Variants in LRRC4C observed in about 807,000 individuals in gnomAD.
LRRC4C encodes leucine rich repeat containing 4C, also known as leucine-rich repeat-containing protein 4C.
LRRC4C carries 5 observed loss-of-function variants against 33.6 expected under a neutral mutation model. The observed-to-expected ratio is 0.15, with a 90% CI of 0.08 to 0.31. The LOEUF (loss-of-function observed/expected upper bound fraction) is 0.31. Ranked by LOEUF, LRRC4C falls within the 10% of genes least tolerant of loss-of-function variation. LRRC4C has a pLI of 1.00. For missense variants in LRRC4C, 560 were observed against 796.7 expected, an observed-to-expected ratio of 0.70 and a Z score of 3.58; for synonymous variants, 329 against 302.0, an observed-to-expected ratio of 1.09 and a Z score of -0.93.
intron 2 of LRRC4C, among the ~76,000 whole-genome samples, chr11:40,923,922 A>T (rs962619867): frequency 2.0e-5 from 3 of 152,284 alleles, no homozygotes; most frequent in Admixed American, 2.0e-4. Flanking sequence ...TTAGTCTACC[A>T]AATGCTAATT....
chr11:41,325,577 T>G (rs2218587), intron 1 of LRRC4C, among the ~76,000 whole-genome samples: 20,065 of 103,936 alleles, frequency 0.19, 1,813 homozygotes, highest in Admixed American at 0.25. Context: ...TTTTTTTTTT[T>G]TGTGTGTGTG....
At chr11:41,031,657 TTGGGACATGC>T (rs1197270680) in intron 1 of LRRC4C, among the ~76,000 whole-genome samples, 1 of 151,972 alleles carries the variant, frequency 6.6e-6, no homozygotes, top group Non-Finnish European at 1.5e-5. Context: ...AAGCTCGGTA[TTGGGACATGC>T]TGGATGCTTA....
At chr11:41,164,886 T>A (rs1401976690) in intron 1 of LRRC4C, among the ~76,000 whole-genome samples, 2 of 152,138 alleles carry the variant, frequency 1.3e-5, no homozygotes, top group Non-Finnish European at 1.5e-5. Flanking sequence ...CCCTCGTGGC[T>A]TGGATAGAAT....
chr11:41,364,913 C>T (rs1171396485), intron 1 of LRRC4C, among the ~76,000 whole-genome samples: 1 of 152,120 alleles, frequency 6.6e-6, no homozygotes, highest in South Asian at 2.1e-4. Context: ...ATATAACTTA[C>T]TTGGTCCTTC....
chr11:41,209,735 G>T (rs1391095314), intron 1 of LRRC4C, among the ~76,000 whole-genome samples: 1 of 152,112 alleles, frequency 6.6e-6, no homozygotes, highest in African/African-American at 2.4e-5. Context: ...TTGGGAGGGG[G>T]TGAATGTATT....
intron 2 of LRRC4C, among the ~76,000 whole-genome samples, chr11:40,723,743 A>T (rs1947146308): frequency 6.6e-6 from 1 of 152,154 alleles, no homozygotes; most frequent in African/African-American, 2.4e-5. Context: ...ATGACAGGAG[A>T]AAAACCTCAC....
intron 3 of LRRC4C, among the ~76,000 whole-genome samples, chr11:40,508,994 C>A (rs1955173697): frequency 6.6e-6 from 1 of 152,108 alleles, no homozygotes; most frequent in Non-Finnish European, 1.5e-5. Flanking sequence ...AATTGTTTGT[C>A]TCTCTTGAAG....
At chr11:40,645,740 C>A (rs1942410109) in intron 3 of LRRC4C, among the ~76,000 whole-genome samples, 2 of 152,130 alleles carry the variant, frequency 1.3e-5, no homozygotes, top group South Asian at 2.1e-4. Context: ...AGTACCATCC[C>A]CCACAAAATT....
intron 3 of LRRC4C, among the ~76,000 whole-genome samples, chr11:40,364,926 A>C (rs2137203732): frequency 6.6e-6 from 1 of 152,142 alleles, no homozygotes; most frequent in Admixed American, 6.5e-5. Flanking sequence ...GTATGTAAAA[A>C]AAAACCTGTT....
chr11:40,666,898 G>A (rs889584835), intron 2 of LRRC4C, among the ~76,000 whole-genome samples: 4 of 152,108 alleles, frequency 2.6e-5, no homozygotes, highest in African/African-American at 9.7e-5. Context: ...AAATATTTGT[G>A]AAAGATAACT....
chr11:41,253,825 A>G (rs920678417), intron 1 of LRRC4C, among the ~76,000 whole-genome samples: 1 of 152,150 alleles, frequency 6.6e-6, no homozygotes, highest in African/African-American at 2.4e-5. Context: ...AAAAGAGTCA[A>G]AAGACTAATG....
intron 3 of LRRC4C, among the ~76,000 whole-genome samples, chr11:40,567,851 C>G (rs575282689): frequency 3.3e-5 from 5 of 152,250 alleles, no homozygotes; most frequent in African/African-American, 1.2e-4. Flanking sequence ...TTTCTCTGTG[C>G]CTTTATTCAT....
At chr11:40,878,404 C>T (rs1955016023) in intron 2 of LRRC4C, among the ~76,000 whole-genome samples, 1 of 152,170 alleles carries the variant, frequency 6.6e-6, no homozygotes, top group Admixed American at 6.6e-5. Context: ...TGCAGCCACT[C>T]CCAAGCACTA....
At chr11:40,435,194 G>C (rs527603577) in intron 3 of LRRC4C, among the ~76,000 whole-genome samples, 8 of 152,102 alleles carry the variant, frequency 5.3e-5, no homozygotes, top group Admixed American at 2.6e-4. Context: ...ACCCAGTCAG[G>C]GTAACCAGGC....
At chr11:40,954,742 G>A (rs898860354) in intron 1 of LRRC4C, among the ~76,000 whole-genome samples, 1 of 151,728 alleles carries the variant, frequency 6.6e-6, no homozygotes, top group Non-Finnish European at 1.5e-5. Context: ...GTAGTTCTGG[G>A]TTTCGCCTTT....
chr11:40,570,016 C>G (rs923529060), intron 3 of LRRC4C, among the ~76,000 whole-genome samples: 1 of 151,578 alleles, frequency 6.6e-6, no homozygotes, highest in Admixed American at 6.6e-5. Flanking sequence ...TATATATTTA[C>G]ACATATGTAA....
intron 3 of LRRC4C, among the ~76,000 whole-genome samples, chr11:40,577,830 T>C (rs181538027): frequency 0.019 from 2,686 of 142,108 alleles, 42 homozygotes; most frequent in South Asian, 0.037. Context: ...GTTTTCTTTT[T>C]TCTTTTTTTT....
chr11:40,911,195 G>A (rs1024644008), intron 2 of LRRC4C, among the ~76,000 whole-genome samples: 2 of 152,304 alleles, frequency 1.3e-5, no homozygotes, highest in East Asian at 3.9e-4. Flanking sequence ...TTGGAAGAGA[G>A]TAGTGATTCT....
intron 3 of LRRC4C, among the ~76,000 whole-genome samples, chr11:40,378,906 A>C (rs1948758647): frequency 6.6e-6 from 1 of 152,162 alleles, no homozygotes. Flanking sequence ...ATGTGTGAGC[A>C]TGTATGTGTC....
Sources: allele counts gnomAD v4.1 joint callset (sites outside exome capture counted in the v4.1 genomes callset), GRCh38; gene constraint gnomAD v4.1.1; transcripts MANE v1.5; gene names NCBI Gene and HGNC (gene_info 2026-07-23, HGNC 2026-07-21).